The following RYR1 variants were observed in gnomAD, a reference collection of about 807,000 sequenced individuals.
RYR1 encodes central core disease of muscle.
Under a neutral mutation model 583.5 loss-of-function variants are expected in RYR1, and 342 were observed. The observed-to-expected ratio is 0.59, with a 90% CI of 0.54 to 0.64. The LOEUF (loss-of-function observed/expected upper bound fraction) is 0.64, where lower values mean the gene tolerates loss of function less well. Among genes scored for constraint, RYR1 ranks in the 30% least tolerant of loss-of-function variants. The pLI, the probability that RYR1 is intolerant of heterozygous loss-of-function variation, is 0.00. For missense variants in RYR1, 6,032 were observed against 6,917.2 expected (o/e 0.87, Z 4.54); for synonymous variants, 2,791 against 2,822.5 (o/e 0.99, Z 0.35).
chr19:38,506,317 A>T lies in RYR1; in HGVS notation c.8556A>T (p.Arg2852=). 1 of 1,613,728 alleles carries T rather than the reference A, an allele frequency of 6.2e-7. No individual in the cohort carries two copies. The highest frequency in any genetic ancestry group is 8.5e-7 in the Non-Finnish European group (1 of 1,179,832). ...TGTCCTCTCAGACCTATGATCCTCG[A>T]GAAGGCTACAACCCTCAGCCCCCCG... The part of the protein sequence containing the change: ...ISQSAQTYDP[R]EGYNPQPPDL... Residue 2852 remains arginine (R), a synonymous_variant, in exon 55 of 106, where the codon CGA becomes CGT. Transcript: ENST00000359596.
At chr19:38,516,491 G>A (rs1268270245) in intron 65 of RYR1, among the ~76,000 whole-genome samples, 2 of 152,188 alleles carry the variant, frequency 1.3e-5, no homozygotes, top group Non-Finnish European at 2.9e-5. Context: ...GTGGCCAGGC[G>A]CAGTGGGTCA....
intron 2 of RYR1, among the ~76,000 whole-genome samples, chr19:38,441,342 G>T (rs3786828): frequency 0.76 from 112,450 of 147,566 alleles, 43,576 homozygotes; most frequent in African/African-American, 0.89. Context: ...ATTTTTAAAA[G>T]TTTTTCAGGT....
intron 20 of RYR1, among the ~76,000 whole-genome samples, chr19:38,461,096 A>G (rs1353478286): frequency 3.3e-5 from 5 of 152,014 alleles, no homozygotes; most frequent in African/African-American, 7.2e-5. Context: ...AGAGGTTGCA[A>G]TGAGCCAAGA....
intron 76 of RYR1, among the ~76,000 whole-genome samples, chr19:38,531,144 T>G (rs970838292): frequency 1.3e-5 from 2 of 152,042 alleles, no homozygotes; most frequent in Non-Finnish European, 2.9e-5. Flanking sequence ...TTCTTTGGTC[T>G]CTTTATCTCT....
Position 38,500,109 on chromosome 19 carries a change from C to G in RYR1, c.7323+93C>G, listed in dbSNP as rs935502081. The G allele has an allele frequency of 3.6e-6, 4 of 1,112,246 alleles. No individual in the cohort carries two copies. The African/African-American group carries it at 6.1e-5, about 17-fold the overall frequency. 68.9% of individuals were successfully genotyped at this position (1,112,246 alleles called of 1,614,324 possible). On this transcript the variant is annotated intron_variant, in intron 45 of 105. Coordinates refer to ENST00000359596, the MANE Select transcript of RYR1 (RefSeq NM_000540.3). This position sits in a 1 kb window ranked among gnomAD's most constrained non-coding sequence, Gnocchi z 5.9. ...GGCACTCGGTGACACGGAGTGAGCT[C>G]CCATATGTGGGTGGTCCTGGACTAG...
intron 91 of RYR1, 151 bp from the exon 92 acceptor site, chr19:38,566,760 G>A: frequency 6.9e-7 from 1 of 1,446,804 alleles, no homozygotes. Flanking sequence ...CTGTAAAACG[G>A]GAATCATAAT....
chr19:38,579,902 T>C, intron 99 of RYR1, 80 bp from the exon 100 acceptor site: 1 of 1,595,902 alleles, frequency 6.3e-7, no homozygotes, highest in Non-Finnish European at 8.6e-7. Context: ...CACAGCTGAC[T>C]CTCGAGTGGC....
Position 38,483,036 on chromosome 19 carries a change from AAC to A in RYR1, c.4633_4634del (p.Thr1545Ter), listed in dbSNP as rs1969091018. 1 of 1,613,928 alleles carries A rather than the reference AAC, an allele frequency of 6.2e-7. No individual in the cohort carries two copies. The highest frequency in any genetic ancestry group is 1.7e-5 in the Admixed American group (1 of 59,990). On this transcript the variant is annotated frameshift_variant, in exon 32 of 106. Coordinates refer to ENST00000359596, the MANE Select transcript of RYR1 (RefSeq NM_000540.3). LOFTEE classifies it high-confidence loss of function. The surrounding 1 kb of genome is among the most constrained non-coding windows in gnomAD (Gnocchi z 6.3). ...ESNTFFQVEPNTKLFPAVFVL... is the reference protein window; with the variant it reads ...ESNTFFQVEPXTKLFPAVFVL... ...TCTTCTCCTCTGCCAGGTGGAACCC[AAC>A]ACTAAGCTATTTCCTGCCGTCTTCG...
intron 19 of RYR1, among the ~76,000 whole-genome samples, 188 bp downstream of exon 19, chr19:38,459,526 AC>A (rs1967616851): frequency 1.3e-5 from 2 of 151,940 alleles, no homozygotes; most frequent in South Asian, 4.2e-4. Context: ...CTTTCCAATG[AC>A]CTCAGATTCT....
intron 49 of RYR1, among the ~76,000 whole-genome samples, chr19:38,503,349 C>T (rs977115010): frequency 2.6e-5 from 4 of 152,230 alleles, no homozygotes; most frequent in Admixed American, 2.0e-4. Flanking sequence ...AACATTATCA[C>T]AGCTATTCTG....
In RYR1 at chr19:38,561,333, G is replaced by A; in HGVS notation, c.12503G>A (p.Ser4168Asn). 1 of 1,613,960 alleles carries A rather than the reference G, an allele frequency of 6.2e-7. No homozygotes were observed. Among genetic ancestry groups the A allele is most frequent in the Non-Finnish European group, 8.5e-7 (1 of 1,180,032 alleles). ...RLHNFLELAESILEYFRPYLG... is the reference protein window; with the variant it reads ...RLHNFLELAENILEYFRPYLG... Reference sequence around the variant, plus strand: ...CACAACTTCCTGGAGCTGGCCGAGAGCATCCTTGAGTACTTCCGCCCCTAC... The same window carrying A: ...CACAACTTCCTGGAGCTGGCCGAGAACATCCTTGAGTACTTCCGCCCCTAC... Residue 4168 changes from serine to asparagine, a missense_variant, in exon 90 of 106, where the codon AGC becomes AAC. Transcript: ENST00000359596. This position sits in a 1 kb window ranked among gnomAD's most constrained non-coding sequence, Gnocchi z 4.8.
chr19:38,536,662 A>C, intron 82 of RYR1, 88 bp from the exon 83 acceptor site: 1 of 1,459,584 alleles, frequency 6.9e-7, no homozygotes, highest in Non-Finnish European at 9.5e-7. Flanking sequence ...TCTGTCCCTG[A>C]CTGTCATTGT....
intron 11 of RYR1, among the ~76,000 whole-genome samples, chr19:38,450,829 C>T (rs972237407): frequency 1.3e-5 from 2 of 151,714 alleles, no homozygotes; most frequent in Non-Finnish European, 2.9e-5. Flanking sequence ...GTTGGACATG[C>T]GTAGCCCCAG....
chr19:38,497,267 C>T (rs1173622310), intron 42 of RYR1, among the ~76,000 whole-genome samples: 1 of 150,726 alleles, frequency 6.6e-6, no homozygotes, highest in Non-Finnish European at 1.5e-5. Flanking sequence ...TCTACACTTC[C>T]GGGCTGGGGG....
In RYR1 at chr19:38,499,785, A is replaced by G; in HGVS notation, c.7178A>G (p.Asp2393Gly). ...CGCATCTCCGAGGACCCTGCGAGGG[A>G]TGGCCCAGGCATCCGCAGGGACCGG... ...AIRISEDPAR[D>G]GPGIRRDRRR... is the part of the protein sequence containing the mutation. The change falls in exon 44 of 106, where the codon GAT (aspartate) becomes GGT (glycine). Residue 2393 changes from aspartate to glycine, a missense_variant. Physicochemically the swap from Asp to Gly is moderately conservative, Grantham distance 94. This residue lies in a region of RYR1 where 2,627 missense variants were observed against 2,961.3 expected (regional missense o/e 0.89). Coordinates refer to ENST00000359596, the MANE Select transcript of RYR1 (RefSeq NM_000540.3). The surrounding 1 kb of genome is among the most constrained non-coding windows in gnomAD (Gnocchi z 7.3). 6.2e-7 allele frequency: 1 copy of G among 1,604,016 alleles called. No homozygotes were observed. The highest frequency in any genetic ancestry group is 8.5e-7 in the Non-Finnish European group (1 of 1,179,164).
At chr19:38,486,277 A>G (rs550037323) in intron 34 of RYR1, 75 bp downstream of exon 34, 9 of 1,574,972 alleles carry the variant, frequency 5.7e-6, no homozygotes, top group East Asian at 2.2e-5. Context: ...ACATGCATCA[A>G]TCCTCCTCTA....
At chr19:38,463,165 C>A (rs1431838384) in intron 20 of RYR1, among the ~76,000 whole-genome samples, 1 of 142,914 alleles carries the variant, frequency 7.0e-6, no homozygotes. Flanking sequence ...CACTTAGCCT[C>A]CCAAAGTGCT....
chr19:38,546,684 G>A (rs908403492), intron 88 of RYR1, among the ~76,000 whole-genome samples, 158 bp downstream of exon 88: 2 of 14,854 alleles, frequency 1.3e-4, no homozygotes, highest in Non-Finnish European at 2.8e-4. Context: ...CAGATGCGGT[G>A]GCTACACCTG....
chr19:38,523,574 C>T (rs1279202032), intron 69 of RYR1: 1 of 603,660 alleles, frequency 1.7e-6, no homozygotes, highest in Non-Finnish European at 3.0e-6. Flanking sequence ...GTATCTTCTC[C>T]CTCCTCCCAT....
Sources: allele counts gnomAD v4.1 joint callset (sites outside exome capture counted in the v4.1 genomes callset), GRCh38; gene constraint gnomAD v4.1.1; regional missense constraint gnomAD v4.1.1; non-coding constraint Gnocchi (gnomAD v3.1); transcripts MANE v1.5; gene names NCBI Gene and HGNC (gene_info 2026-07-23, HGNC 2026-07-21).